The following KDELR2 variants were observed in gnomAD, a reference collection of about 807,000 sequenced individuals.
The protein encoded by KDELR2 is KDEL endoplasmic reticulum protein retention receptor 2, also known as ER lumen protein-retaining receptor 2.
In KDELR2, 15 loss-of-function variants were observed where a neutral mutation model predicts 23.9. That is an observed-to-expected ratio of 0.63 (90% CI 0.42 to 0.97). The LOEUF (loss-of-function observed/expected upper bound fraction) is 0.97, where lower values mean the gene tolerates loss of function less well. KDELR2 is among the 50% of genes least tolerant of loss of function. KDELR2 has a pLI of 0.00. For missense variants in KDELR2, 272 were observed against 254.6 expected, an observed-to-expected ratio of 1.07 and a Z score of -0.46; for synonymous variants, 119 against 106.2, an observed-to-expected ratio of 1.12 and a Z score of -0.74.
chr7:6,478,082 C>T (rs188532621), intron 1 of KDELR2, among the ~76,000 whole-genome samples: 95 of 152,176 alleles, frequency 6.2e-4, no homozygotes, highest in South Asian at 1.5e-3. Context: ...ATGCAAAGAC[C>T]CTTTCTTCAC....
At position 6,466,272 on chromosome 7, in the gene KDELR2, G is replaced by A; in HGVS notation, c.403C>T (p.Leu135=). 1 of 1,614,020 alleles carries A rather than the reference G, an allele frequency of 6.2e-7. No individual in the cohort carries two copies. Among genetic ancestry groups the A allele is most frequent in the South Asian group, 1.1e-5 (1 of 91,074 alleles). The change falls in exon 4 of 5, where the codon CTA becomes TTA. Residue 135 remains leucine, a synonymous_variant. Coordinates refer to ENST00000258739, the MANE Select transcript of KDELR2 (RefSeq NM_006854.4). ...YLESVAILPQ[L]FMISKTGEAE... ...TCCCCAGTCTTGCTGATCATAAATAGCTGCGGAAGGATAGCCACGGACTCC... is the reference window on the plus strand; with the variant it reads ...TCCCCAGTCTTGCTGATCATAAATAACTGCGGAAGGATAGCCACGGACTCC...
intron 4 of KDELR2, 78 bp from the exon 5 acceptor site, chr7:6,463,253 G>A: frequency 1.8e-6 from 2 of 1,127,600 alleles, no homozygotes; most frequent in South Asian, 1.4e-5. Flanking sequence ...CCCATTCCTA[G>A]AAGTCTCCCA....
chr7:6,469,897 T>A, intron 2 of KDELR2, 143 bp from the exon 3 acceptor site: 2 of 671,966 alleles, frequency 3.0e-6, no homozygotes, highest in Non-Finnish European at 4.7e-6. Context: ...TTAAATATAG[T>A]AAAATTCTCT....
chr7:6,482,102 A>C (rs908809779), intron 1 of KDELR2, among the ~76,000 whole-genome samples: 3 of 152,094 alleles, frequency 2.0e-5, no homozygotes, highest in African/African-American at 7.2e-5. Flanking sequence ...TCCCAGGTTC[A>C]AGCAATTCTC....
chr7:6,476,090 T>G (rs1175185145), intron 1 of KDELR2, among the ~76,000 whole-genome samples: 1 of 152,308 alleles, frequency 6.6e-6, no homozygotes, highest in East Asian at 1.9e-4. Context: ...AATATTTGTA[T>G]TACATGTTGT....
chr7:6,473,082 A>AT (rs1206035683), intron 2 of KDELR2, among the ~76,000 whole-genome samples: 25,114 of 94,518 alleles, frequency 0.27, 4,351 homozygotes, highest in African/African-American at 0.46. Context: ...TAATTTTTGT[A>AT]TTTTTTTTTT....
intron 4 of KDELR2, among the ~76,000 whole-genome samples, chr7:6,465,771 G>A (rs1227715005): frequency 6.6e-6 from 1 of 152,142 alleles, no homozygotes; most frequent in Admixed American, 6.6e-5. Context: ...GAACAGCAAT[G>A]TACAGTTTAA....
At position 6,484,144 on chromosome 7, in the gene KDELR2, G is replaced by A. The variant is rs1466542806; in HGVS notation, c.-87C>T. ...GCGGCGGCCCCTGAGAGGAAGCGGC[G>A]AAGATGGCGAGATCGCCCGCGACGT... is the stretch of plus-strand genomic sequence containing the variant. On this transcript the variant is annotated 5_prime_UTR_variant, in exon 1 of 5. Coordinates refer to ENST00000258739, the MANE Select transcript of KDELR2 (RefSeq NM_006854.4). 2.8e-6 allele frequency: 3 copies of A among 1,075,082 alleles called. No individual in the cohort carries two copies. The highest frequency in any genetic ancestry group is 1.7e-5 in the African/African-American group (1 of 59,710). 66.6% of individuals were successfully genotyped at this position (1,075,082 alleles called of 1,614,324 possible).
chr7:6,479,454 C>A (rs1785837064), intron 1 of KDELR2, among the ~76,000 whole-genome samples: 1 of 152,060 alleles, frequency 6.6e-6, no homozygotes, highest in African/African-American at 2.4e-5. Flanking sequence ...TAAGACCGGC[C>A]AAGAACAAAA....
rs1413807431 is a variant in KDELR2, at chr7:6,463,195, A to G, written c.605-20T>C. On this transcript the variant is annotated intron_variant, in intron 4 of 4. Transcript: ENST00000258739. ...TGAGTACTAGAATTTCAAAGAGAAG[A>G]AAAGAAAACAAAAGGTTACTGATAT... 6.3e-7 allele frequency: 1 copy of G among 1,590,760 alleles called. No homozygotes were observed. The highest frequency in any genetic ancestry group is 2.2e-5 in the East Asian group (1 of 44,752).
intron 1 of KDELR2, among the ~76,000 whole-genome samples, chr7:6,475,722 G>C (rs1054870278): frequency 4.6e-5 from 7 of 152,136 alleles, no homozygotes; most frequent in African/African-American, 1.7e-4. Flanking sequence ...GCAAACTATG[G>C]GTTTCAGATG....
intron 4 of KDELR2, among the ~76,000 whole-genome samples, chr7:6,465,071 G>C (rs1457927424): frequency 2.9e-5 from 4 of 136,714 alleles, no homozygotes; most frequent in Admixed American, 1.5e-4. Flanking sequence ...CCACCATTAG[G>C]AATTTTATTG....
At chr7:6,464,224 A>G (rs1785451603) in intron 4 of KDELR2, among the ~76,000 whole-genome samples, 1 of 129,306 alleles carries the variant, frequency 7.7e-6, no homozygotes, top group Non-Finnish European at 1.7e-5. Context: ...AAAAAAAAAA[A>G]AAAAAAAAAA....
At chr7:6,479,011 A>G (rs1785820975) in intron 1 of KDELR2, among the ~76,000 whole-genome samples, 1 of 152,032 alleles carries the variant, frequency 6.6e-6, no homozygotes, top group Admixed American at 6.6e-5. Context: ...GCTGGTCTTG[A>G]ACTCCTGACT....
At chr7:6,468,393 G>A (rs942542942) in intron 3 of KDELR2, among the ~76,000 whole-genome samples, 3 of 152,134 alleles carry the variant, frequency 2.0e-5, no homozygotes, top group Admixed American at 6.5e-5. Flanking sequence ...GCAGTGGCTC[G>A]ATCTCGGCTC....
chr7:6,473,776 C>T (rs1365445516), intron 2 of KDELR2, among the ~76,000 whole-genome samples: 1 of 152,176 alleles, frequency 6.6e-6, no homozygotes, highest in Non-Finnish European at 1.5e-5. Context: ...AAATGAGACA[C>T]TGCAACTAGG....
rs560504324 is a variant in KDELR2, at chr7:6,472,748, T to C, written c.192+1436A>G. On this transcript the variant is annotated intron_variant, in intron 2 of 4. Transcript: ENST00000258739. Reference sequence around the variant, plus strand: ...GGAGGTTGTTTAGGTGCCATACCAATAGGATTCAGTTGAAATATTACTTCC... The same window carrying C: ...GGAGGTTGTTTAGGTGCCATACCAACAGGATTCAGTTGAAATATTACTTCC... 1.6e-4 allele frequency among the ~76,000 whole-genome samples: 25 copies of C among 152,216 alleles called. No individual in the cohort carries two copies. In the South Asian group the frequency reaches 2.5e-3, roughly 15 times the overall value.
rs764696369 is a variant in KDELR2 at position 6,463,034 on chromosome 7, A to G, written c.*107T>C. The G allele has an allele frequency of 2.5e-6, 4 of 1,614,144 alleles. No homozygotes were observed. The South Asian group carries it at 3.3e-5, about 13-fold the overall frequency. On this transcript the variant is annotated 3_prime_UTR_variant, in exon 5 of 5. Transcript: ENST00000258739. Reference sequence around the variant, plus strand: ...AGCCACTGATGACTATCTGCAACAAAAGAGTTAAGTTTCTGATTTTCCGTA... The same window carrying G: ...AGCCACTGATGACTATCTGCAACAAGAGAGTTAAGTTTCTGATTTTCCGTA...
Position 6,463,054 on chromosome 7 carries a change from T to C in KDELR2, c.*87A>G, listed in dbSNP as rs763820568. On this transcript the variant is annotated 3_prime_UTR_variant, in exon 5 of 5. Coordinates refer to ENST00000258739, the MANE Select transcript of KDELR2 (RefSeq NM_006854.4). ...AACAAAAGAGTTAAGTTTCTGATTT[T>C]CCGTATCAAGCATCTTATGCCTTTG... is the stretch of plus-strand genomic sequence containing the variant. The C allele has an allele frequency of 1.2e-6, 2 of 1,614,204 alleles. No homozygotes were observed.
Sources: allele counts gnomAD v4.1 joint callset (sites outside exome capture counted in the v4.1 genomes callset), GRCh38; gene constraint gnomAD v4.1.1; transcripts MANE v1.5; gene names NCBI Gene and HGNC (gene_info 2026-07-23, HGNC 2026-07-21).